GIPC1: variants seen among roughly 807,000 people sequenced by gnomAD.
GIPC1 encodes the protein GIPC PDZ domain containing family member 1.
A neutral mutation model predicts 28.5 loss-of-function variants in GIPC1; 15 were observed. The ratio of observed to expected loss-of-function variants is 0.53; its 90% confidence interval spans 0.35 to 0.81. GIPC1 has a LOEUF of 0.81. Among genes scored for constraint, GIPC1 ranks in the 30% least tolerant of loss-of-function variants. GIPC1 has a pLI of 0.01. For missense variants in GIPC1, 439 were observed against 481.9 expected (o/e 0.91, Z 0.83); for synonymous variants, 224 against 206.1 (o/e 1.09, Z -0.74).
intron 1 of GIPC1, among the ~76,000 whole-genome samples, chr19:14,495,735 C>T (rs1024024420): frequency 1.3e-5 from 2 of 152,088 alleles, no homozygotes; most frequent in Admixed American, 1.3e-4. Context: ...ACTGACCCCG[C>T]GCCTGTCCAC....
intron 3 of GIPC1, chr19:14,489,689 A>G (rs1332611265): frequency 1.7e-5 from 13 of 774,222 alleles, no homozygotes; most frequent in African/African-American, 3.4e-5. Context: ...TGTAAAAATT[A>G]GGTCATGTAC....
rs1290728716 is a variant in GIPC1 at position 14,490,797 on chromosome 19, C to T, written c.-31+859G>A. Among the ~76,000 whole-genome samples, 3 of 147,504 alleles carry T rather than the reference C, an allele frequency of 2.0e-5. No homozygotes were observed. In the East Asian group the frequency reaches 6.3e-4, roughly 31 times the overall value. Reference sequence around the variant, plus strand: ...GACCATCCTGGCTAACACAGTGAAACCCCGTCTCTACTAAAAATACAAAAA... The same window carrying T: ...GACCATCCTGGCTAACACAGTGAAATCCCGTCTCTACTAAAAATACAAAAA... On this transcript the variant is annotated intron_variant, in intron 3 of 8. Coordinates refer to ENST00000393033, the MANE Select transcript of GIPC1 (RefSeq NM_005716.4).
At chr19:14,494,498 CTTCT>C (rs1048885719) in intron 1 of GIPC1, among the ~76,000 whole-genome samples, 11 of 152,354 alleles carry the variant, frequency 7.2e-5, no homozygotes, top group Admixed American at 3.9e-4. Flanking sequence ...CTGAAATTAT[CTTCT>C]TTATTTACTT....
In GIPC1 at chr19:14,480,701, G is replaced by A. The variant is rs962134559; in HGVS notation, c.366C>T (p.Phe122=). The part of the protein sequence containing the change: ...LLGGQIGLED[F]IFAHVKGQRK... The stretch of plus-strand genomic sequence containing the variant: ...GCTGCCCCTTCACGTGGGCGAAGAT[G>A]AAGTCCTCCAGCCCGATCTGGCCCC... The change falls in exon 5 of 9, where the codon TTC becomes TTT. Residue 122 remains phenylalanine (F), a synonymous_variant. Transcript: ENST00000393033. The A allele has an allele frequency of 5.0e-6, 8 of 1,614,030 alleles. No individual in the cohort carries two copies. The highest frequency in any genetic ancestry group is 5.9e-6 in the Non-Finnish European group (7 of 1,179,854).
chr19:14,477,814 CA>C lies in GIPC1; in HGVS notation c.*601del, dbSNP rs1357713832. On this transcript the variant is annotated 3_prime_UTR_variant, in exon 9 of 9. Transcript: ENST00000393033. ...GACAGCAAATTCAGATACAAAAACC[CA>C]CCGCCATCGTCCCTCCCTCCCTCCT... The C allele has an allele frequency of 6.5e-6, 1 of 152,946 alleles. No individual in the cohort carries two copies. The highest frequency in any genetic ancestry group is 6.5e-5 in the Admixed American group (1 of 15,302). 9.5% of individuals were successfully genotyped at this position (152,946 alleles called of 1,614,324 possible).
intron 6 of GIPC1, 107 bp from the exon 7 acceptor site, chr19:14,479,631 G>A: frequency 1.9e-6 from 1 of 540,104 alleles, no homozygotes; most frequent in Non-Finnish European, 3.1e-6. Flanking sequence ...ACTTCTCCAG[G>A]CTTCTGCAAG....
intron 2 of GIPC1, among the ~76,000 whole-genome samples, 159 bp from the exon 3 acceptor site, chr19:14,491,902 G>T (rs942238620): frequency 5.3e-5 from 8 of 152,044 alleles, no homozygotes; most frequent in African/African-American, 1.9e-4. Flanking sequence ...ACCACGCCCA[G>T]CCATATATTT....
At chr19:14,487,685 C>CTTTTTTTTTTTTTTTTTTTTTT (rs34048955) in intron 3 of GIPC1, among the ~76,000 whole-genome samples, 7 of 130,500 alleles carry the variant, frequency 5.4e-5, no homozygotes, top group South Asian at 4.9e-4. Flanking sequence ...CTTTATTTTC[C>CTTTTTTTTTTTTTTTTTTTTTT]TTTTTTTTTT....
rs2146457374 is a variant in GIPC1 at position 14,478,769 on chromosome 19, G to A, written c.769-4C>T. ...CCTTCTCTTCAAAGGCAGAGGGCTG[G>A]GGGCCAGGGAGGGGTGACAGCGACA... On this transcript the variant is annotated splice_polypyrimidine_tract_variant and splice_region_variant and intron_variant, in intron 7 of 8. Coordinates refer to ENST00000393033, the MANE Select transcript of GIPC1 (RefSeq NM_005716.4). The surrounding 1 kb of genome is among the most constrained non-coding windows in gnomAD (Gnocchi z 5.2). 6.2e-7 allele frequency: 1 copy of A among 1,611,528 alleles called. No individual in the cohort carries two copies. Among genetic ancestry groups the A allele is most frequent in the East Asian group, 2.2e-5 (1 of 44,876 alleles).
At chr19:14,487,297 A>G (rs2071869500) in intron 3 of GIPC1, among the ~76,000 whole-genome samples, 1 of 150,432 alleles carries the variant, frequency 6.6e-6, no homozygotes, top group Non-Finnish European at 1.5e-5. Flanking sequence ...CAGTGGTGCA[A>G]TCTTGGCTCA....
chr19:14,487,843 AT>A (rs967781278), intron 3 of GIPC1, among the ~76,000 whole-genome samples: 1 of 150,896 alleles, frequency 6.6e-6, no homozygotes, highest in Admixed American at 6.6e-5. Context: ...TGCCCTGCTA[AT>A]TTTTTTATTT....
At position 14,479,494 on chromosome 19, in the gene GIPC1, C is replaced by A; in HGVS notation, c.686G>T (p.Arg229Leu). ...GCCCAGTTGTGGGCCAGAGCCAGGG[C>A]GGCCACCCGCTGAACGCTGGCTGAT... is the stretch of plus-strand genomic sequence containing the variant. The part of the protein sequence containing the change: ...DMISQRSAGG[R>L]PGSGPQLGTG... Residue 229 changes from arginine (R) to leucine (L), a missense_variant, in exon 7 of 9, where the codon CGC (arginine) becomes CTC (leucine). Transcript: ENST00000393033. 6.9e-7 allele frequency: 1 copy of A among 1,442,172 alleles called. No homozygotes were observed. 89.3% of individuals were successfully genotyped at this position (1,442,172 alleles called of 1,614,324 possible). A position where few individuals can be genotyped will look rare whatever the true frequency, so the allele number is the denominator to read the frequency against.
At chr19:14,493,104 C>G (rs746012761) in intron 1 of GIPC1, among the ~76,000 whole-genome samples, 192 bp from the exon 2 acceptor site, 1 of 152,166 alleles carries the variant, frequency 6.6e-6, no homozygotes, top group Non-Finnish European at 1.5e-5. Context: ...ATACCTACTC[C>G]AGGCCCACTC....
intron 3 of GIPC1, among the ~76,000 whole-genome samples, chr19:14,486,742 T>G (rs1157708985): frequency 2.0e-5 from 3 of 147,766 alleles, no homozygotes; most frequent in Non-Finnish European, 4.5e-5. Context: ...GACAGAGTCT[T>G]GCTCTGTCAC....
intron 3 of GIPC1, chr19:14,489,672 A>G: frequency 1.2e-6 from 1 of 808,430 alleles, no homozygotes; most frequent in Non-Finnish European, 2.2e-6. Context: ...GGCCTGTTTT[A>G]CTATGATGTA....
At chr19:14,495,830 C>G (rs2146500775) in intron 1 of GIPC1, among the ~76,000 whole-genome samples, 1 of 152,156 alleles carries the variant, frequency 6.6e-6, no homozygotes, top group Admixed American at 6.5e-5. Flanking sequence ...CGTTTGTCCC[C>G]TGCCCGCCAG....
chr19:14,485,725 A>AGAGAGAGAGG lies in GIPC1; in HGVS notation c.-30-2720_-30-2719insCCTCTCTCTC, dbSNP rs1287093015. ...TATAGAGAGAGAGAGAGAGAGAGAG[A>AGAGAGAGAGG]GAGAGAGAGAGAGAGACAGAGAGAG... On this transcript the variant is annotated intron_variant, in intron 3 of 8. Coordinates refer to ENST00000393033, the MANE Select transcript of GIPC1 (RefSeq NM_005716.4). Among the ~76,000 whole-genome samples the AGAGAGAGAGG allele has an allele frequency of 2.8e-3, 393 of 141,106 alleles. 6 individuals carry two copies. Among genetic ancestry groups the AGAGAGAGAGG allele is most frequent in the Admixed American group, 0.014 (182 of 13,306 alleles). 92.6% of individuals were successfully genotyped at this position (141,106 alleles called of 152,430 possible). A position where few individuals can be genotyped will look rare whatever the true frequency, so the allele number is the denominator to read the frequency against.
intron 4 of GIPC1, 22 bp downstream of exon 4, chr19:14,482,667 T>G (rs769291543): frequency 2.0e-5 from 32 of 1,607,906 alleles, no homozygotes; most frequent in Non-Finnish European, 2.7e-5. Flanking sequence ...GGGACCCTGG[T>G]GCCCGGCTCC....
chr19:14,493,519 G>A (rs1189853338), intron 1 of GIPC1, among the ~76,000 whole-genome samples: 18 of 151,100 alleles, frequency 1.2e-4, no homozygotes, highest in African/African-American at 4.1e-4. Flanking sequence ...GTGCAGTGGC[G>A]CCATCTCAGC....
Sources: allele counts gnomAD v4.1 joint callset (sites outside exome capture counted in the v4.1 genomes callset), GRCh38; gene constraint gnomAD v4.1.1; non-coding constraint Gnocchi (gnomAD v3.1); transcripts MANE v1.5; gene names NCBI Gene and HGNC (gene_info 2026-07-23, HGNC 2026-07-21).